The following SDK1 variants were observed in gnomAD, a reference collection of about 807,000 sequenced individuals.
SDK1 encodes the protein sidekick cell adhesion molecule 1, also known as protein sidekick-1.
Under a neutral mutation model 245.5 loss-of-function variants are expected in SDK1, and 157 were observed. The observed-to-expected ratio is 0.64, with a 90% confidence interval of 0.56 to 0.73. The LOEUF (loss-of-function observed/expected upper bound fraction) is 0.73, where lower values mean the gene tolerates loss of function less well. SDK1 is among the 30% of genes least tolerant of loss of function. SDK1 has a pLI of 0.00. For missense variants in SDK1, 3,583 were observed against 3,002.3 expected, an observed-to-expected ratio of 1.19 and a Z score of -4.52; for synonymous variants, 1,647 against 1,278.5, an observed-to-expected ratio of 1.29 and a Z score of -6.15.
At chr7:3,878,911 A>C (rs767686258) in intron 5 of SDK1, among the ~76,000 whole-genome samples, 12 of 152,332 alleles carry the variant, frequency 7.9e-5, no homozygotes, top group Non-Finnish European at 1.6e-4. Flanking sequence ...TCACAAAGTA[A>C]AAGCCTGTGT....
chr7:4,037,773 C>A (rs1292587526), intron 17 of SDK1, among the ~76,000 whole-genome samples: 1 of 152,158 alleles, frequency 6.6e-6, no homozygotes, highest in African/African-American at 2.4e-5. Flanking sequence ...GCTTTATAGG[C>A]CATCTTTTAC....
intron 1 of SDK1, among the ~76,000 whole-genome samples, chr7:3,318,156 C>T (rs951530705): frequency 4.3e-4 from 66 of 152,180 alleles, no homozygotes; most frequent in African/African-American, 1.5e-3. Context: ...GCGCATTTTT[C>T]GCCTATATTG....
chr7:3,769,606 A>G (rs906299671), intron 4 of SDK1, among the ~76,000 whole-genome samples: 8 of 152,144 alleles, frequency 5.3e-5, no homozygotes. Context: ...TTCAAGCCAT[A>G]GCGGTGACAT....
chr7:3,771,730 A>T (rs534563404), intron 4 of SDK1, among the ~76,000 whole-genome samples: 14 of 151,332 alleles, frequency 9.3e-5, no homozygotes, highest in African/African-American at 2.4e-4. Flanking sequence ...TTGTTTTCCA[A>T]TTTTTTTTTA....
At chr7:3,843,391 CGCTA>C (rs1422856157) in intron 5 of SDK1, among the ~76,000 whole-genome samples, 1 of 152,110 alleles carries the variant, frequency 6.6e-6, no homozygotes, top group Non-Finnish European at 1.5e-5. Context: ...TTAACTTTGT[CGCTA>C]GCTATTTGAA....
At chr7:3,862,423 G>A (rs1780716318) in intron 5 of SDK1, among the ~76,000 whole-genome samples, 1 of 152,216 alleles carries the variant, frequency 6.6e-6, no homozygotes, top group Non-Finnish European at 1.5e-5. Context: ...GGAATAGAAT[G>A]ATTTTTGACA....
intron 4 of SDK1, among the ~76,000 whole-genome samples, chr7:3,650,601 G>A (rs1476445020): frequency 2.6e-5 from 4 of 152,056 alleles, no homozygotes; most frequent in Non-Finnish European, 4.4e-5. Flanking sequence ...ACTGTGTTAC[G>A]GTATCACAAC....
At chr7:3,415,331 C>G (rs189965995) in intron 1 of SDK1, among the ~76,000 whole-genome samples, 164 of 152,130 alleles carry the variant, frequency 1.1e-3, no homozygotes, top group African/African-American at 3.6e-3. Context: ...ACGTGTAATA[C>G]TTATATAGTG....
intron 4 of SDK1, among the ~76,000 whole-genome samples, chr7:3,786,204 A>G (rs2115017650): frequency 1.3e-5 from 2 of 152,266 alleles, no homozygotes; most frequent in African/African-American, 4.8e-5. Context: ...GCATTTATGT[A>G]CTGGACAGAA....
intron 13 of SDK1, among the ~76,000 whole-genome samples, chr7:3,980,123 G>T (rs993294943): frequency 2.0e-5 from 3 of 152,164 alleles, no homozygotes; most frequent in African/African-American, 7.2e-5. Context: ...CATCATTTGT[G>T]CATTAAAGGG....
intron 5 of SDK1, among the ~76,000 whole-genome samples, chr7:3,869,581 C>T (rs1026609765): frequency 1.3e-5 from 2 of 152,204 alleles, no homozygotes; most frequent in African/African-American, 4.8e-5. Context: ...CCCGCTGCGT[C>T]CTCTTCCCAG....
At chr7:3,782,830 T>A (rs1249311425) in intron 4 of SDK1, among the ~76,000 whole-genome samples, 2 of 152,228 alleles carry the variant, frequency 1.3e-5, no homozygotes, top group Admixed American at 1.3e-4. Context: ...TAAGTTGAAC[T>A]TTTATAAGTC....
intron 1 of SDK1, among the ~76,000 whole-genome samples, chr7:3,477,515 TC>T (rs1476689569): frequency 6.6e-6 from 1 of 150,464 alleles, no homozygotes; most frequent in African/African-American, 2.4e-5. Flanking sequence ...CTTTCTTTTT[TC>T]TTTTTTTTTT....
In SDK1 at chr7:3,597,112, T is replaced by C. The variant is rs181623102; in HGVS notation, c.299-21968T>C. Among the ~76,000 whole-genome samples the C allele has an allele frequency of 3.7e-3, 559 of 151,718 alleles. 14 individuals are homozygous for C. The highest frequency in any genetic ancestry group is 0.034 in the Admixed American group (523 of 15,210). ...GGTGAAACCCTGTCTCTACTAAAAA[T>C]ACACAAAAAATTAGCCGGATGTGGT... is the stretch of plus-strand genomic sequence containing the variant. On this transcript the variant is annotated intron_variant, in intron 1 of 44. Coordinates refer to ENST00000404826, the MANE Select transcript of SDK1 (RefSeq NM_152744.4).
At chr7:3,409,844 T>G (rs1232530649) in intron 1 of SDK1, among the ~76,000 whole-genome samples, 2 of 152,172 alleles carry the variant, frequency 1.3e-5, no homozygotes, top group African/African-American at 4.8e-5. Flanking sequence ...AGACACCTTG[T>G]GGAACTCTCC....
chr7:3,379,960 G>A (rs1462547607), intron 1 of SDK1, among the ~76,000 whole-genome samples: 2 of 152,096 alleles, frequency 1.3e-5, no homozygotes, highest in East Asian at 1.9e-4. Context: ...AAATCCAAAG[G>A]CTCTCTGGTC....
At chr7:3,614,508 A>T (rs1229223473) in intron 1 of SDK1, among the ~76,000 whole-genome samples, 2 of 152,218 alleles carry the variant, frequency 1.3e-5, no homozygotes, top group African/African-American at 4.8e-5. Context: ...TTCTTTATGA[A>T]TCATTTCAGG....
chr7:3,552,269 C>A (rs1331274585), intron 1 of SDK1, among the ~76,000 whole-genome samples: 1 of 152,142 alleles, frequency 6.6e-6, no homozygotes, highest in African/African-American at 2.4e-5. Context: ...GATCGATCTC[C>A]TGACCTTGTG....
intron 4 of SDK1, among the ~76,000 whole-genome samples, chr7:3,809,304 A>G (rs1779327584): frequency 6.6e-6 from 1 of 152,104 alleles, no homozygotes; most frequent in African/African-American, 2.4e-5. Flanking sequence ...CTAAATATTC[A>G]TGAGAAATCC....
Sources: gnomAD v4.1 joint callset for allele counts (sites outside exome capture counted in the v4.1 genomes callset) on GRCh38, gnomAD v4.1.1 for gene constraint, MANE v1.5 for transcripts, NCBI Gene and HGNC (gene_info 2026-07-23, HGNC 2026-07-21) for gene names.